Variants in ITGAE observed in about 807,000 individuals in gnomAD.
ITGAE encodes the protein integrin alpha-E.
A neutral mutation model predicts 136.5 loss-of-function variants in ITGAE; 99 were observed. The observed-to-expected ratio is 0.73, with a 90% CI of 0.62 to 0.86. The LOEUF is 0.86. Among genes scored for constraint, ITGAE ranks in the 40% least tolerant of loss-of-function variants. The pLI is 0.00. For synonymous variants in ITGAE, 613 were observed against 591.8 expected, an observed-to-expected ratio of 1.04 and a Z score of -0.52; for missense variants, 1,447 against 1,515.3, an observed-to-expected ratio of 0.95 and a Z score of 0.75.
At chr17:3,785,899 G>A (rs943061549) in intron 1 of ITGAE, among the ~76,000 whole-genome samples, 1 of 152,180 alleles carries the variant, frequency 6.6e-6, no homozygotes, top group Admixed American at 6.5e-5. Context: ...CAGGCGAGGT[G>A]GCTGACTCCT....
At chr17:3,748,620 G>A (rs1254456349) in intron 16 of ITGAE, among the ~76,000 whole-genome samples, 2 of 152,116 alleles carry the variant, frequency 1.3e-5, no homozygotes, top group African/African-American at 4.8e-5. Flanking sequence ...AATAAGGACC[G>A]AGGGCTACTG....
intron 1 of ITGAE, among the ~76,000 whole-genome samples, chr17:3,782,688 A>T (rs147276793): frequency 1.2e-4 from 18 of 152,280 alleles, no homozygotes; most frequent in Non-Finnish European, 2.4e-4. Flanking sequence ...GAAAAAAGCA[A>T]GGTGAAGTCC....
Position 3,731,260 on chromosome 17 carries a change from A to AC in ITGAE, c.2755-78dup, listed in dbSNP as rs1365982113. The AC allele has an allele frequency of 5.5e-6, 6 of 1,093,286 alleles. No homozygotes were observed. The African/African-American group carries it at 9.3e-5, about 17-fold the overall frequency. The allele number at this position is 1,093,286 out of a possible 1,614,324, so 67.7% of individuals were successfully genotyped here. ...ATTCAGACCGCTAGCTACTCGTGGA[A>AC]CAGACCTAGGAGACGATTCCTCAGA... On this transcript the variant is annotated intron_variant, in intron 22 of 30. Coordinates refer to ENST00000263087, the MANE Select transcript of ITGAE (RefSeq NM_002208.5).
chr17:3,776,142 C>T (rs1346022464), intron 2 of ITGAE, among the ~76,000 whole-genome samples: 2 of 149,742 alleles, frequency 1.3e-5, no homozygotes, highest in East Asian at 4.0e-4. Context: ...ACTGCAACCT[C>T]CACCTCCCAG....
chr17:3,753,112 A>C (rs2143020652), intron 14 of ITGAE, among the ~76,000 whole-genome samples, 178 bp downstream of exon 14: 1 of 152,332 alleles, frequency 6.6e-6, no homozygotes, highest in South Asian at 2.1e-4. Context: ...CCCTTGGGTA[A>C]GAAAGTGGGT....
chr17:3,721,390 G>T (rs530919049), intron 28 of ITGAE, among the ~76,000 whole-genome samples: 1 of 141,262 alleles, frequency 7.1e-6, no homozygotes, highest in East Asian at 2.2e-4. Context: ...TCCTGCCTCA[G>T]CCTCCCAAGT....
In ITGAE at chr17:3,739,788, G is replaced by A. The variant is rs28548075; in HGVS notation, c.2522+17C>T. 8.7e-4 allele frequency: 1,404 copies of A among 1,610,154 alleles called. 9 individuals carry two copies. In the African/African-American group the frequency reaches 0.015, roughly 18 times the overall value. The stretch of plus-strand genomic sequence containing the variant: ...GAGAAGGTTAATCGAGGAAACTGAC[G>A]GCTATGTCCAACTCACTGAGAGACG... On this transcript the variant is annotated intron_variant, in intron 20 of 30. Coordinates refer to ENST00000263087, the MANE Select transcript of ITGAE (RefSeq NM_002208.5).
At chr17:3,744,937 T>C (rs763932738) in intron 18 of ITGAE, among the ~76,000 whole-genome samples, 2 of 152,220 alleles carry the variant, frequency 1.3e-5, no homozygotes, top group Non-Finnish European at 2.9e-5. Flanking sequence ...AAGCCTTTAT[T>C]TAAGGAAGGC....
chr17:3,780,848 G>T (rs147860107), intron 1 of ITGAE, among the ~76,000 whole-genome samples: 1 of 152,014 alleles, frequency 6.6e-6, no homozygotes, highest in Non-Finnish European at 1.5e-5. Context: ...CCACAGATGC[G>T]CACCAGCAGG....
Position 3,726,334 on chromosome 17 carries a change from C to T in ITGAE, c.3084+1585G>A, listed in dbSNP as rs547959913. 1.1e-5 allele frequency: 18 copies of T among 1,581,460 alleles called. No homozygotes were observed. The African/African-American group carries it at 2.4e-4, about 21-fold the overall frequency. On this transcript the variant is annotated intron_variant, in intron 26 of 30. Transcript: ENST00000263087. ...TGCCAGCACAGTCTGTTTAAGTAAG[C>T]TAAATGTATCTTACTGCCCCGAAAT...
chr17:3,781,403 G>A lies in ITGAE; in HGVS notation c.35-3743C>T, dbSNP rs373122522. 3.4e-4 allele frequency among the ~76,000 whole-genome samples: 52 copies of A among 151,534 alleles called. 1 individual carries two copies. In the South Asian group the frequency reaches 8.1e-3, roughly 24 times the overall value. The stretch of plus-strand genomic sequence containing the variant: ...CTCGCTGAGCCGCCCAGGCTGGAGT[G>A]CAGTGGCGCTATCTCGGCTCACTGC... On this transcript the variant is annotated intron_variant, in intron 1 of 30. Coordinates refer to ENST00000263087, the MANE Select transcript of ITGAE (RefSeq NM_002208.5).
chr17:3,797,442 GGCTTGA>G (rs1431601539), intron 1 of ITGAE, among the ~76,000 whole-genome samples: 2 of 149,544 alleles, frequency 1.3e-5, no homozygotes, highest in Non-Finnish European at 3.0e-5. Flanking sequence ...TGGGATTACA[GGCTTGA>G]GCCACTGCGC....
At chr17:3,739,912 G>A (rs1164343621) in intron 19 of ITGAE, 34 bp from the exon 20 acceptor site, 3 of 1,570,820 alleles carry the variant, frequency 1.9e-6, no homozygotes, top group East Asian at 2.2e-5. Flanking sequence ...ATCAGCCCAG[G>A]CTCCGCCTTC....
chr17:3,793,370 T>C (rs1230808476), intron 1 of ITGAE, among the ~76,000 whole-genome samples: 2 of 150,164 alleles, frequency 1.3e-5, no homozygotes, highest in South Asian at 2.1e-4. Flanking sequence ...TCATTTTGAG[T>C]TGGAGTCTCA....
At chr17:3,749,377 C>T (rs2051804377) in intron 16 of ITGAE, among the ~76,000 whole-genome samples, 1 of 152,044 alleles carries the variant, frequency 6.6e-6, no homozygotes, top group Non-Finnish European at 1.5e-5. Context: ...CTCAGCCTCC[C>T]GAGTCGCTGG....
At chr17:3,750,607 G>T in intron 15 of ITGAE, 125 bp from the exon 16 acceptor site, 1 of 1,164,212 alleles carries the variant, frequency 8.6e-7, no homozygotes, top group Non-Finnish European at 1.2e-6. Context: ...CCCGAGTCTA[G>T]AACCAGGAAA....
chr17:3,745,945 A>G lies in ITGAE; in HGVS notation c.2156-18T>C, dbSNP rs1022465517. On this transcript the variant is annotated intron_variant, in intron 17 of 30. Coordinates refer to ENST00000263087, the MANE Select transcript of ITGAE (RefSeq NM_002208.5). ...GCGGAGGCCTGGGAATGAAGACCAGACCTTCCCGATGAGGTGGGGATGAGC... is the reference window on the plus strand; with the variant it reads ...GCGGAGGCCTGGGAATGAAGACCAGGCCTTCCCGATGAGGTGGGGATGAGC... 2.5e-6 allele frequency: 4 copies of G among 1,608,704 alleles called. No individual in the cohort carries two copies. The highest frequency in any genetic ancestry group is 1.7e-5 in the Admixed American group (1 of 59,646).
intron 13 of ITGAE, 126 bp from the exon 14 acceptor site, chr17:3,753,556 G>A: frequency 8.0e-7 from 1 of 1,253,582 alleles, no homozygotes. Context: ...TTTGCTCACT[G>A]AGAGTAACAG....
intron 1 of ITGAE, among the ~76,000 whole-genome samples, chr17:3,780,396 C>T (rs1463854361): frequency 6.6e-6 from 1 of 152,110 alleles, no homozygotes; most frequent in Non-Finnish European, 1.5e-5. Context: ...ATCTCCTGAC[C>T]TCGTGATCCG....
Sources: gnomAD v4.1 joint callset for allele counts (sites outside exome capture counted in the v4.1 genomes callset) on GRCh38, gnomAD v4.1.1 for gene constraint, MANE v1.5 for transcripts, NCBI Gene and HGNC (gene_info 2026-07-23, HGNC 2026-07-21) for gene names.